The following GRHL2 variants were observed in gnomAD, a reference collection of about 807,000 sequenced individuals.
GRHL2 encodes the protein grainyhead-like protein 2 homolog.
Under a neutral mutation model 83.8 loss-of-function variants are expected in GRHL2, and 21 were observed. The ratio of observed to expected loss-of-function variants is 0.25; its 90% CI spans 0.18 to 0.36. The LOEUF is 0.36. Ranked by LOEUF, GRHL2 falls within the 10% of genes least tolerant of loss-of-function variation. The pLI, the probability that GRHL2 is intolerant of heterozygous loss-of-function variation, is 1.00. For synonymous variants in GRHL2, 280 were observed against 278.9 expected (o/e 1.00, Z -0.04); for missense variants, 623 against 781.8 (o/e 0.80, Z 2.42).
intron 1 of GRHL2, among the ~76,000 whole-genome samples, chr8:101,511,502 C>A (rs1810464738): frequency 1.3e-5 from 2 of 152,118 alleles, no homozygotes; most frequent in Non-Finnish European, 2.9e-5. Context: ...CGTGTGCCAC[C>A]ACACCTGGCT....
chr8:101,529,941 G>A (rs1484237710), intron 1 of GRHL2, among the ~76,000 whole-genome samples: 2 of 152,118 alleles, frequency 1.3e-5, no homozygotes, highest in African/African-American at 4.8e-5. Flanking sequence ...CATGTTTTTT[G>A]TCTGTTGCCT....
At chr8:101,570,195 T>C in intron 4 of GRHL2, 144 bp from the exon 5 acceptor site, 2 of 717,160 alleles carry the variant, frequency 2.8e-6, no homozygotes, top group Non-Finnish European at 2.5e-6. Context: ...CTATGACTAC[T>C]TTTGCTGTAG....
intron 7 of GRHL2, among the ~76,000 whole-genome samples, chr8:101,593,440 A>G (rs1282919319): frequency 6.6e-6 from 1 of 152,178 alleles, no homozygotes; most frequent in Non-Finnish European, 1.5e-5. Context: ...AAAAAAGTCC[A>G]TTTGAAATTC....
intron 1 of GRHL2, among the ~76,000 whole-genome samples, chr8:101,531,818 G>A (rs1002090866): frequency 2.0e-5 from 3 of 152,010 alleles, no homozygotes; most frequent in African/African-American, 4.8e-5. Flanking sequence ...CCGAGAGGGG[G>A]TGGGGGAGAG....
At chr8:101,593,238 G>A (rs1174724314) in intron 7 of GRHL2, among the ~76,000 whole-genome samples, 1 of 152,158 alleles carries the variant, frequency 6.6e-6, no homozygotes, top group African/African-American at 2.4e-5. Flanking sequence ...GAGCCACCAC[G>A]CCTGGTTGGC....
intron 1 of GRHL2, among the ~76,000 whole-genome samples, chr8:101,503,516 A>C (rs767163723): frequency 5.9e-5 from 9 of 152,204 alleles, no homozygotes; most frequent in Non-Finnish European, 1.2e-4. Context: ...GGAGTATTAT[A>C]ATTTATCATA....
intron 1 of GRHL2, among the ~76,000 whole-genome samples, chr8:101,509,444 A>T (rs1810421032): frequency 6.6e-6 from 1 of 151,964 alleles, no homozygotes; most frequent in Non-Finnish European, 1.5e-5. Context: ...ATCTGTGGAA[A>T]ATGGCAATTT....
At chr8:101,573,000 C>A (rs1344961419) in intron 5 of GRHL2, among the ~76,000 whole-genome samples, 1 of 152,140 alleles carries the variant, frequency 6.6e-6, no homozygotes, top group Non-Finnish European at 1.5e-5. Context: ...TTCCAATAAA[C>A]CTTTATTTAC....
chr8:101,617,549 G>A (rs1331145769), intron 8 of GRHL2, among the ~76,000 whole-genome samples: 1 of 152,094 alleles, frequency 6.6e-6, no homozygotes. Context: ...TGTCACCCAG[G>A]TTGGGAGTGT....
chr8:101,666,674 G>A lies in GRHL2; in HGVS notation c.1849G>A (p.Gly617Ser). ...CCTCAACATGGAGAGCATGGTGGAG[G>A]GCTTCAAGGTCACGCTCATGGAAAT... Reference protein sequence around the residue: ...FILNMESMVEGFKVTLMEI With the variant: ...FILNMESMVESFKVTLMEI Residue 617 changes from glycine (G) to serine (S), a missense_variant, in exon 16 of 16, where the codon GGC becomes AGC. By Grantham distance (56) the Gly-to-Ser change is moderately conservative (BLOSUM62 0). This residue lies in a region of GRHL2 where 210 missense variants were observed against 254.8 expected (regional missense o/e 0.82). Transcript: ENST00000646743. The A allele has an allele frequency of 6.2e-7, 1 of 1,613,030 alleles. No homozygotes were observed. Among genetic ancestry groups the A allele is most frequent in the Non-Finnish European group, 8.5e-7 (1 of 1,179,032 alleles).
intron 2 of GRHL2, among the ~76,000 whole-genome samples, chr8:101,550,189 T>TA (rs1563575644): frequency 6.4e-4 from 20 of 31,426 alleles, no homozygotes; most frequent in Non-Finnish European, 2.8e-3. Context: ...TTTTTTTTTT[T>TA]TAAAAAAATT....
intron 3 of GRHL2, among the ~76,000 whole-genome samples, chr8:101,553,805 T>A (rs957379468): frequency 5.9e-5 from 9 of 151,724 alleles, no homozygotes; most frequent in Admixed American, 6.5e-5. Context: ...TTTTTTGTAT[T>A]TTGGTAGAGA....
chr8:101,657,765 A>G (rs13271310), intron 14 of GRHL2, among the ~76,000 whole-genome samples: 69,770 of 151,046 alleles, frequency 0.46, 18,891 homozygotes, highest in Non-Finnish European at 0.6. Context: ...GTGTGAACCC[A>G]GGAGACGGAG....
chr8:101,667,176 G>A lies in GRHL2; in HGVS notation c.*473G>A. 4.8e-6 allele frequency: 1 copy of A among 206,640 alleles called. No homozygotes were observed. The highest frequency in any genetic ancestry group is 1.0e-5 in the Non-Finnish European group (1 of 99,578). The allele number at this position is 206,640 out of a possible 1,614,324, so 12.8% of individuals were successfully genotyped here. ...TGCAGTAGTTATAGGTGGGGCAAGA[G>A]GTGGATGCCCACTTTCTGGTCAGAC... On this transcript the variant is annotated 3_prime_UTR_variant, in exon 16 of 16. Coordinates refer to ENST00000646743, the MANE Select transcript of GRHL2 (RefSeq NM_024915.4).
intron 1 of GRHL2, among the ~76,000 whole-genome samples, chr8:101,536,931 C>T (rs1386350948): frequency 6.6e-6 from 1 of 151,664 alleles, no homozygotes; most frequent in Non-Finnish European, 1.5e-5. Context: ...CCTCCCCTCA[C>T]CCCCCGCCCT....
intron 6 of GRHL2, among the ~76,000 whole-genome samples, chr8:101,575,374 C>T (rs1034704824): frequency 6.6e-6 from 1 of 152,122 alleles, no homozygotes; most frequent in Non-Finnish European, 1.5e-5. Context: ...TTGCTGAAAT[C>T]ATGAAAATAA....
At chr8:101,550,060 T>C (rs931275537) in intron 2 of GRHL2, among the ~76,000 whole-genome samples, 15 of 151,922 alleles carry the variant, frequency 9.9e-5, no homozygotes, top group African/African-American at 3.6e-4. Context: ...GTTTTCCAGT[T>C]TATTAAGTTT....
intron 3 of GRHL2, among the ~76,000 whole-genome samples, chr8:101,556,964 T>C (rs1811499276): frequency 6.6e-6 from 1 of 152,090 alleles, no homozygotes; most frequent in Non-Finnish European, 1.5e-5. Flanking sequence ...GAGAATAGTG[T>C]AATAAACCCC....
chr8:101,616,012 CTTTCTTTCTTTCTATCT>C (rs1176864315), intron 8 of GRHL2, among the ~76,000 whole-genome samples: 1 of 151,650 alleles, frequency 6.6e-6, no homozygotes, highest in Non-Finnish European at 1.5e-5. Flanking sequence ...AGCATTTTTT[CTTTCTTTCTTTCTATCT>C]TTTCTTTCTT....
Sources: gnomAD v4.1 joint callset for allele counts (sites outside exome capture counted in the v4.1 genomes callset) on GRCh38, gnomAD v4.1.1 for gene constraint, gnomAD v4.1.1 regional missense constraint, MANE v1.5 for transcripts, NCBI Gene and HGNC (gene_info 2026-07-23, HGNC 2026-07-21) for gene names.